The following ROBO4 variants were observed in gnomAD, a reference collection of about 807,000 sequenced individuals.
The protein encoded by ROBO4 is roundabout homolog 4.
In ROBO4, 80 loss-of-function variants were observed where a neutral mutation model predicts 103.3. That is an observed-to-expected ratio of 0.77 (90% CI 0.65 to 0.93). The LOEUF (loss-of-function observed/expected upper bound fraction) is 0.93, where lower values mean the gene tolerates loss of function less well. ROBO4 is among the 40% of genes least tolerant of loss of function. ROBO4 has a pLI of 0.00. For missense variants in ROBO4, 1,333 were observed against 1,305.3 expected (o/e 1.02, Z -0.33); for synonymous variants, 504 against 529.7 (o/e 0.95, Z 0.67).
chr11:124,897,009 TCTGTGGACA>T lies in ROBO4; in HGVS notation c.314_322del (p.Leu105_Asp108delinsHis), dbSNP rs768610984. On this transcript the variant is annotated inframe_deletion, in exon 2 of 18. Transcript: ENST00000306534. ...GGCCTCACATGTGTAGACACCCAGG[TCTGTGGACA>T]GGGCCTGGCCATCGTGGGCATGTCC... is the stretch of plus-strand genomic sequence containing the variant. 6.2e-7 allele frequency: 1 copy of T among 1,614,042 alleles called. No individual in the cohort carries two copies. The highest frequency in any genetic ancestry group is 1.3e-5 in the African/African-American group (1 of 75,040).
Position 124,887,801 on chromosome 11 carries a change from C to T in ROBO4, c.1988G>A (p.Ser663Asn). 5.0e-6 allele frequency: 8 copies of T among 1,613,978 alleles called. No homozygotes were observed. Among genetic ancestry groups the T allele is most frequent in the Non-Finnish European group, 6.8e-6 (8 of 1,179,948 alleles). ...ACAGGCCCGGAGCTCCAAGGAGTGG[C>T]TGCCCCGGAGCAGTGGGGAACTGTT... ...HANSSPLLRG[S>N]HSLELRACEL... Residue 663 changes from serine to asparagine, a missense_variant, in exon 13 of 18, where the codon AGC becomes AAC. Transcript: ENST00000306534.
Position 124,896,190 on chromosome 11 carries a change from G to A in ROBO4, c.679+8C>T. On this transcript the variant is annotated splice_region_variant and intron_variant, in intron 4 of 17. Transcript: ENST00000306534. The stretch of plus-strand genomic sequence containing the variant: ...CTGGCTCTGATTGTAGCCCACCCCT[G>A]CCCTTACCCTGGATGGAAACCCGGG... 1 of 1,613,342 alleles carries A rather than the reference G, an allele frequency of 6.2e-7. No homozygotes were observed. The highest frequency in any genetic ancestry group is 8.5e-7 in the Non-Finnish European group (1 of 1,179,780).
Position 124,895,492 on chromosome 11 carries a change from T to C in ROBO4, c.1001A>G (p.Asp334Gly), listed in dbSNP as rs775717517. 1 of 1,610,988 alleles carries C rather than the reference T, an allele frequency of 6.2e-7. No homozygotes were observed. Among genetic ancestry groups the C allele is most frequent in the Non-Finnish European group, 8.5e-7 (1 of 1,180,004 alleles). ...CAGCCTCAGGAGCAGCACGTTGCTG[T>C]CAGGGCCTCGAGCCCGGCCAGAGGA... ...RPSSGRARGPDSNVLLLRLPE... is the reference protein window; with the variant it reads ...RPSSGRARGPGSNVLLLRLPE... The change falls in exon 6 of 18, where the codon GAC (aspartate) becomes GGC (glycine). Residue 334 changes from aspartate (D) to glycine (G), a missense_variant. Coordinates refer to ENST00000306534, the MANE Select transcript of ROBO4 (RefSeq NM_019055.6).
chr11:124,885,221 C>T lies in ROBO4; in HGVS notation c.2821G>A (p.Asp941Asn). The change falls in exon 17 of 18, where the codon GAT becomes AAT. Residue 941 changes from aspartate (D) to asparagine (N), a missense_variant. By Grantham distance (23) the Asp-to-Asn change is conservative. Transcript: ENST00000306534. ...AGGTTGGGGGTCAGGAAGATCTCAT[C>T]CCGTGGGGAGGGAGGTGATGAGGCA... is the stretch of plus-strand genomic sequence containing the variant. ...IDASSPPSPR[D>N]EIFLTPNLSL... 6.2e-7 allele frequency: 1 copy of T among 1,612,788 alleles called. No individual in the cohort carries two copies. Among genetic ancestry groups the T allele is most frequent in the South Asian group, 1.1e-5 (1 of 91,074 alleles).
At chr11:124,887,886 C>G in intron 12 of ROBO4, 46 bp from the exon 13 acceptor site, 1 of 1,478,558 alleles carries the variant, frequency 6.8e-7, no homozygotes, top group Non-Finnish European at 9.3e-7. Flanking sequence ...ATGGACTTTT[C>G]AGACCCCAGC....
rs998371318 is a variant in ROBO4 at position 124,897,240 on chromosome 11, G to T, written c.92C>A (p.Pro31Gln). ...LIMGGMAQDS[P>Q]PQILVHPQDQ... ...CTGGGGGTGGACTAGGATCTGGGGC[G>T]GGGAGTCCTGAGCCATGCCTCCTGG... Residue 31 changes from proline (P) to glutamine (Q), a missense_variant, in exon 2 of 18, where the codon CCG becomes CAG. Transcript: ENST00000306534. 21 of 1,454,134 alleles carry T rather than the reference G, an allele frequency of 1.4e-5. No individual in the cohort carries two copies. The highest frequency in any genetic ancestry group is 3.6e-6 in the Non-Finnish European group (4 of 1,103,658). 90.1% of individuals were successfully genotyped at this position (1,454,134 alleles called of 1,614,324 possible).
Position 124,895,473 on chromosome 11 carries a change from C to T in ROBO4, c.1020G>A (p.Leu340=), listed in dbSNP as rs1474092039. 1 of 1,610,262 alleles carries T rather than the reference C, an allele frequency of 6.2e-7. No homozygotes were observed. Residue 340 remains leucine, a synonymous_variant, in exon 6 of 18, where the codon CTG becomes CTA. Transcript: ENST00000306534. Reference sequence around the variant, plus strand: ...GGCCCTGACCTTTTTCCGGCAGCCTCAGGAGCAGCACGTTGCTGTCAGGGC... The same window carrying T: ...GGCCCTGACCTTTTTCCGGCAGCCTTAGGAGCAGCACGTTGCTGTCAGGGC... The part of the protein sequence containing the change: ...ARGPDSNVLL[L]RLPEKVPSAP...
At chr11:124,896,465 A>G in intron 3 of ROBO4, 48 bp downstream of exon 3, 1 of 1,602,778 alleles carries the variant, frequency 6.2e-7, no homozygotes, top group African/African-American at 1.3e-5. Flanking sequence ...GGGTGTACCC[A>G]GGTCTGCCCA....
rs1365457785 is a variant in ROBO4 at position 124,897,760 on chromosome 11, C to G, written c.36G>C (p.Arg12Ser). The change falls in exon 1 of 18, where the codon AGG becomes AGC. Residue 12 changes from arginine (R) to serine (S), a missense_variant. Transcript: ENST00000306534. ...GSGGDSLLGG[R>S]GSLPLLLLLI... is the part of the protein sequence containing the mutation. ...GCAGGAGCAGCAGAGGCAGGGAACC[C>G]CTGCCCCCCAGGAGGCTGTCTCCTC... is the stretch of plus-strand genomic sequence containing the variant. The G allele has an allele frequency of 1.9e-6, 3 of 1,613,894 alleles. No individual in the cohort carries two copies. The African/African-American group carries it at 4.0e-5, about 22-fold the overall frequency.
Position 124,894,011 on chromosome 11 carries a change from A to T in ROBO4, c.1353T>A (p.Ser451Arg). 6.4e-7 allele frequency: 1 copy of T among 1,563,448 alleles called. No individual in the cohort carries two copies. The highest frequency in any genetic ancestry group is 1.4e-5 in the African/African-American group (1 of 73,674). Residue 451 changes from serine to arginine, a missense_variant, in exon 9 of 18, where the codon AGT becomes AGA. Coordinates refer to ENST00000306534, the MANE Select transcript of ROBO4 (RefSeq NM_019055.6). ...GCTCCAGGGTCCAGGGACCATGCTC[A>T]CTGGGTTCTTGGGTGGCTCGCTCCA... ...QAMERATQEPSEHGPWTLEQL... is the reference protein window; with the variant it reads ...QAMERATQEPREHGPWTLEQL...
chr11:124,890,932 C>T (rs996039489), intron 12 of ROBO4, among the ~76,000 whole-genome samples: 1 of 152,230 alleles, frequency 6.6e-6, no homozygotes, highest in Non-Finnish European at 1.5e-5. Context: ...TCAACACTTT[C>T]GTTAGACAGG....
rs933576773 is a variant in ROBO4, at chr11:124,893,937, A to G, written c.1427T>C (p.Val476Ala). The change falls in exon 9 of 18, where the codon GTT (valine) becomes GCT (alanine). Residue 476 changes from valine to alanine, a missense_variant. Coordinates refer to ENST00000306534, the MANE Select transcript of ROBO4 (RefSeq NM_019055.6). ...KRPEVIATCGVALWLLLLGTA... is the reference protein window; with the variant it reads ...KRPEVIATCGAALWLLLLGTA... ...GCCCAGAAGCAGCAGCCAGAGTGCAACACCGCAGGTGGCAATGACCTCAGG... is the reference window on the plus strand; with the variant it reads ...GCCCAGAAGCAGCAGCCAGAGTGCAGCACCGCAGGTGGCAATGACCTCAGG... 2 of 1,611,184 alleles carry G rather than the reference A, an allele frequency of 1.2e-6. No homozygotes were observed. Among genetic ancestry groups the G allele is most frequent in the Non-Finnish European group, 1.7e-6 (2 of 1,179,490 alleles).
At position 124,887,151 on chromosome 11, in the gene ROBO4, A is replaced by T. The variant is rs1946727669; in HGVS notation, c.2261T>A (p.Leu754His). ...ILLPAAPIPI[L>H]SPCSPPSPQA... is the part of the protein sequence containing the mutation. ...GGGGCTAGGGGGACTGCAGGGGCTA[A>T]GGATGGGGATGGGGGCTGCTGGCAG... Residue 754 changes from leucine to histidine, a missense_variant, in exon 15 of 18, where the codon CTT becomes CAT. Physicochemically the swap from Leu to His is moderately conservative, Grantham distance 99. Transcript: ENST00000306534. 6.2e-7 allele frequency: 1 copy of T among 1,609,770 alleles called. No individual in the cohort carries two copies. Among genetic ancestry groups the T allele is most frequent in the South Asian group, 1.1e-5 (1 of 90,694 alleles).
chr11:124,894,304 C>T lies in ROBO4; in HGVS notation c.1215G>A (p.Gln405=), dbSNP rs1174823853. The T allele has an allele frequency of 1.2e-6, 2 of 1,614,092 alleles. No homozygotes were observed. Among genetic ancestry groups the T allele is most frequent in the Non-Finnish European group, 1.7e-6 (2 of 1,180,012 alleles). Residue 405 remains glutamine (Q), a synonymous_variant, in exon 8 of 18, where the codon CAG becomes CAA. Coordinates refer to ENST00000306534, the MANE Select transcript of ROBO4 (RefSeq NM_019055.6). The part of the protein sequence containing the change: ...ANWTVVGEQT[Q]LEIATHMPGS... ...CTGGCATATGGGTGGCGATTTCCAGCTGGGTCTGCTCACCAACTACAGTCC... is the reference window on the plus strand; with the variant it reads ...CTGGCATATGGGTGGCGATTTCCAGTTGGGTCTGCTCACCAACTACAGTCC...
chr11:124,884,579 A>G lies in ROBO4; in HGVS notation c.*312T>C. On this transcript the variant is annotated 3_prime_UTR_variant, in exon 18 of 18. Transcript: ENST00000306534. ...TTCCTGTGATCCAAATGGTGGGGGA[A>G]GAGCAGCAGGCAGGGCTGCTCCTCA... The G allele has an allele frequency of 2.3e-6, 1 of 444,404 alleles. No individual in the cohort carries two copies. Among genetic ancestry groups the G allele is most frequent in the Non-Finnish European group, 4.0e-6 (1 of 247,682 alleles). The allele number at this position is 444,404 out of a possible 1,614,324, so 27.5% of individuals were successfully genotyped here.
Position 124,897,724 on chromosome 11 carries a change from A to C in ROBO4, c.70+2T>G. ...TGGGCCAGGAGAGGGAGAGCAACTC[A>C]CCCATGATGAGCAGGAGCAGCAGAG... On this transcript the variant is annotated splice_donor_variant, in intron 1 of 17. Transcript: ENST00000306534. LOFTEE classifies it high-confidence loss of function. The C allele has an allele frequency of 6.2e-7, 1 of 1,613,332 alleles. No individual in the cohort carries two copies.
At position 124,886,603 on chromosome 11, in the gene ROBO4, G is replaced by A. The variant is rs780356474; in HGVS notation, c.2655C>T (p.Ala885=). ...NGWGSASEDN[A]ASARASLVSS... ...TGACAAGGCTGGCTCTGGCGCTGGC[G>A]GCATTGTCCTCAGAGGCTGAGCCCC... Residue 885 remains alanine, a synonymous_variant, in exon 16 of 18, where the codon GCC becomes GCT. Coordinates refer to ENST00000306534, the MANE Select transcript of ROBO4 (RefSeq NM_019055.6). 9.3e-6 allele frequency: 15 copies of A among 1,614,080 alleles called. No homozygotes were observed. Among genetic ancestry groups the A allele is most frequent in the East Asian group, 2.2e-5 (1 of 44,898 alleles).
At chr11:124,887,986 C>T (rs1273485833) in intron 12 of ROBO4, 146 bp from the exon 13 acceptor site, 3 of 642,428 alleles carry the variant, frequency 4.7e-6, no homozygotes, top group Non-Finnish European at 8.0e-6. Context: ...CCCCTCCACA[C>T]CCCCATCTTC....
rs375558648 is a variant in ROBO4 at position 124,886,618 on chromosome 11, G to T, written c.2640C>A (p.Ala880=). 6.2e-7 allele frequency: 1 copy of T among 1,614,186 alleles called. No homozygotes were observed. The highest frequency in any genetic ancestry group is 2.2e-5 in the East Asian group (1 of 44,890). ...EGSLANGWGS[A]SEDNAASARA... Reference sequence around the variant, plus strand: ...TGGCGCTGGCGGCATTGTCCTCAGAGGCTGAGCCCCAACCATTGGCTAAGG... The same window carrying T: ...TGGCGCTGGCGGCATTGTCCTCAGATGCTGAGCCCCAACCATTGGCTAAGG... Residue 880 remains alanine (A), a synonymous_variant, in exon 16 of 18, where the codon GCC becomes GCA. Coordinates refer to ENST00000306534, the MANE Select transcript of ROBO4 (RefSeq NM_019055.6).
Sources: gnomAD v4.1 joint callset for allele counts (sites outside exome capture counted in the v4.1 genomes callset) on GRCh38, gnomAD v4.1.1 for gene constraint, MANE v1.5 for transcripts, NCBI Gene and HGNC (gene_info 2026-07-23, HGNC 2026-07-21) for gene names.